The following ANKRD11 variants were observed in gnomAD, a reference collection of about 807,000 sequenced individuals.
ANKRD11 encodes ankyrin repeat domain-containing protein 11.
ANKRD11 carries 17 observed loss-of-function variants against 195.7 expected under a neutral mutation model. That is an observed-to-expected ratio of 0.09 (90% CI 0.06 to 0.13). The LOEUF (loss-of-function observed/expected upper bound fraction) is 0.13, where lower values mean the gene tolerates loss of function less well. ANKRD11 is among the 10% of genes least tolerant of loss of function. The pLI is 1.00. For missense variants in ANKRD11, 3,735 were observed against 3,566.1 expected, an observed-to-expected ratio of 1.05 and a Z score of -1.21; for synonymous variants, 1,953 against 1,528.1, an observed-to-expected ratio of 1.28 and a Z score of -6.49.
intron 2 of ANKRD11, chr16:89,392,547 A>G (rs2041244149): frequency 6.6e-6 from 1 of 151,996 alleles, no homozygotes; most frequent in Non-Finnish European, 1.5e-5. Flanking sequence ...CCACGCTGAG[A>G]TGCTCCAGGG....
At chr16:89,278,555 G>A (rs2033860031) in intron 9 of ANKRD11, 2 of 457,042 alleles carry the variant, frequency 4.4e-6, no homozygotes, top group Non-Finnish European at 8.8e-6. Flanking sequence ...GGTGAGGCTG[G>A]GGGCCGAGGA....
chr16:89,418,449 T>C, intron 1 of ANKRD11, 81 bp from the exon 2 acceptor site: 1 of 393,244 alleles, frequency 2.5e-6, no homozygotes, highest in Non-Finnish European at 5.3e-6. Flanking sequence ...TCCCTCCATT[T>C]GGTCCACACG....
In ANKRD11 at chr16:89,452,547, C is replaced by T. The variant is rs1223630376; in HGVS notation, c.-144-34179G>A. On this transcript the variant is annotated intron_variant, in intron 1 of 12. Coordinates refer to ENST00000301030, the MANE Select transcript of ANKRD11 (RefSeq NM_013275.6). ...CTCTCAGCACTCTGGGAGGCTGAGG[C>T]GGGTGGATCACCTGAGGTCAAGAGA... 2.0e-5 allele frequency among the ~76,000 whole-genome samples: 3 copies of T among 152,018 alleles called. No individual in the cohort carries two copies. In the South Asian group the frequency reaches 6.2e-4, roughly 32 times the overall value.
chr16:89,443,492 A>G (rs1169282885), intron 1 of ANKRD11: 1 of 152,146 alleles, frequency 6.6e-6, no homozygotes, highest in African/African-American at 2.4e-5. Context: ...GTAAGAGACA[A>G]GAGATACACA....
chr16:89,331,107 C>T (rs2038042814), intron 2 of ANKRD11, among the ~76,000 whole-genome samples: 1 of 152,122 alleles, frequency 6.6e-6, no homozygotes, highest in Admixed American at 6.5e-5. Flanking sequence ...GTGCCTGCCA[C>T]CATGCCCGGC....
chr16:89,474,871 AT>A (rs1478459553), intron 1 of ANKRD11, among the ~76,000 whole-genome samples: 2 of 152,286 alleles, frequency 1.3e-5, no homozygotes, highest in Non-Finnish European at 2.9e-5. Context: ...AAATAAAAAA[AT>A]AAAATGTAAG....
chr16:89,462,040 C>T (rs2056689713), intron 1 of ANKRD11, among the ~76,000 whole-genome samples: 1 of 127,600 alleles, frequency 7.8e-6, no homozygotes, highest in Non-Finnish European at 1.7e-5. Flanking sequence ...CTCCCCCTCT[C>T]CCTCTCCCCC....
chr16:89,286,107 T>G lies in ANKRD11; in HGVS notation c.824A>C (p.Asn275Thr). Reference protein sequence around the residue: ...RKGETPLKVANSPTMVNLLLG... With the variant: ...RKGETPLKVATSPTMVNLLLG... ...CAGGAGGTTCACCATCGTGGGGGAG[T>G]TGGCCACTTTCAGCGGCGTCTCGCC... The change falls in exon 8 of 13, where the codon AAC (asparagine) becomes ACC (threonine). Residue 275 changes from asparagine (N) to threonine (T), a missense_variant. Coordinates refer to ENST00000301030, the MANE Select transcript of ANKRD11 (RefSeq NM_013275.6). 1 of 1,614,130 alleles carries G rather than the reference T, an allele frequency of 6.2e-7. No individual in the cohort carries two copies. Among genetic ancestry groups the G allele is most frequent in the Non-Finnish European group, 8.5e-7 (1 of 1,180,028 alleles).
At position 89,290,797 on chromosome 16, in the gene ANKRD11, A is replaced by T; in HGVS notation, c.429T>A (p.Ser143=). Residue 143 remains serine, a synonymous_variant, in exon 6 of 13, where the codon TCT becomes TCA. Coordinates refer to ENST00000301030, the MANE Select transcript of ANKRD11 (RefSeq NM_013275.6). ...VDTTPKHPSQ[S]TVCQKGTPNS... is the part of the protein sequence containing the mutation. The stretch of plus-strand genomic sequence containing the variant: ...TGGGCGTTCCCTTCTGACACACTGT[A>T]GACTGGGAGGGGTGCTTTGGTGTTG... 13 of 1,613,922 alleles carry T rather than the reference A, an allele frequency of 8.1e-6. No individual in the cohort carries two copies. The highest frequency in any genetic ancestry group is 1.1e-5 in the Non-Finnish European group (13 of 1,179,976).
At position 89,282,683 on chromosome 16, in the gene ANKRD11, C is replaced by T. The variant is rs773010718; in HGVS notation, c.3859G>A (p.Glu1287Lys). ...TCTTCTCTGTACTCATGGAGAGCCT[C>T]TTCTTCCAACTTTTCAAGCAGGCTT... ...EKSLLEKLEE[E>K]ALHEYREDSN... Residue 1287 changes from glutamate to lysine, a missense_variant, in exon 9 of 13, where the codon GAG (glutamate) becomes AAG (lysine). Transcript: ENST00000301030. 20 of 1,614,148 alleles carry T rather than the reference C, an allele frequency of 1.2e-5. No individual in the cohort carries two copies. In the East Asian group the frequency reaches 3.6e-4, roughly 29 times the overall value.
intron 2 of ANKRD11, among the ~76,000 whole-genome samples, chr16:89,337,570 G>A (rs1398151295): frequency 6.7e-6 from 1 of 150,172 alleles, no homozygotes; most frequent in African/African-American, 2.4e-5. Context: ...CCGAGTAGCT[G>A]GGACTACAGG....
intron 1 of ANKRD11, among the ~76,000 whole-genome samples, chr16:89,445,201 G>A (rs915655641): frequency 6.6e-6 from 1 of 152,224 alleles, no homozygotes; most frequent in Non-Finnish European, 1.5e-5. Context: ...CATGTGGCTT[G>A]TTTACAAAAG....
intron 1 of ANKRD11, among the ~76,000 whole-genome samples, chr16:89,421,173 C>T (rs1009364352): frequency 7.3e-6 from 1 of 137,152 alleles, no homozygotes; most frequent in Non-Finnish European, 1.6e-5. Context: ...GGACCATCAC[C>T]CGTCCATGTC....
Position 89,267,644 on chromosome 16 carries a change from T to C in ANKRD11, c.*834A>G, listed in dbSNP as rs1392545107. The stretch of plus-strand genomic sequence containing the variant: ...TACAAAGAGCATTTTAATTAATTTA[T>C]TTATTTCTTTACACATAACTGAAAG... On this transcript the variant is annotated 3_prime_UTR_variant, in exon 13 of 13. Coordinates refer to ENST00000301030, the MANE Select transcript of ANKRD11 (RefSeq NM_013275.6). The C allele has an allele frequency of 6.6e-6, 1 of 152,328 alleles. No individual in the cohort carries two copies. 9.4% of individuals were successfully genotyped at this position (152,328 alleles called of 1,614,324 possible).
rs56391654 is a variant in ANKRD11, at chr16:89,471,782, C to CAAAA, written c.-145+18459_-145+18462dup. Reference sequence around the variant, plus strand: ...CCTGGGCGACAGTGAGACTCTGTCTCAAAAAAAAAAAAAAAAAAAAAAAAA... The same window carrying CAAAA: ...CCTGGGCGACAGTGAGACTCTGTCTCAAAAAAAAAAAAAAAAAAAAAAAAAAAAA... On this transcript the variant is annotated intron_variant, in intron 1 of 12. Transcript: ENST00000301030. 9.5e-4 allele frequency among the ~76,000 whole-genome samples: 51 copies of CAAAA among 53,502 alleles called. 1 individual carries two copies. Among genetic ancestry groups the CAAAA allele is most frequent in the African/African-American group, 3.6e-3 (45 of 12,508 alleles). The allele number at this position is 53,502 out of a possible 152,430, so 35.1% of individuals were successfully genotyped here. A position where few individuals can be genotyped will look rare whatever the true frequency, so the allele number is the denominator to read the frequency against.
intron 3 of ANKRD11, among the ~76,000 whole-genome samples, chr16:89,307,201 T>C (rs1254757050): frequency 6.6e-6 from 1 of 152,164 alleles, no homozygotes; most frequent in Non-Finnish European, 1.5e-5. Flanking sequence ...CAGCGAAGCC[T>C]TCAGAGCACC....
chr16:89,456,577 G>A lies in ANKRD11; in HGVS notation c.-145+33668C>T, dbSNP rs149417480. Among the ~76,000 whole-genome samples the A allele has an allele frequency of 1.1e-3, 167 of 151,646 alleles. 3 individuals carry two copies. In the East Asian group the frequency reaches 0.027, roughly 25 times the overall value. On this transcript the variant is annotated intron_variant, in intron 1 of 12. Transcript: ENST00000301030. ...AAAAAAAGATGGAAACAAGCCAAGT[G>A]TCAATCAAGACAGGATGGGTAAACA... is the stretch of plus-strand genomic sequence containing the variant.
chr16:89,300,298 C>T (rs1228140728), intron 4 of ANKRD11: 1 of 217,484 alleles, frequency 4.6e-6, no homozygotes, highest in Non-Finnish European at 9.4e-6. Context: ...ATCAGGGCTT[C>T]CCGCCGTGTG....
In ANKRD11 at chr16:89,267,789, C is replaced by A. The variant is rs1339605052; in HGVS notation, c.*689G>T. On this transcript the variant is annotated 3_prime_UTR_variant, in exon 13 of 13. Coordinates refer to ENST00000301030, the MANE Select transcript of ANKRD11 (RefSeq NM_013275.6). ...TAAAACTGTACAGCGTTTACGGATA[C>A]ACTTTTTATATGATTATTGGCTCTG... 2 of 151,812 alleles carry A rather than the reference C, an allele frequency of 1.3e-5. No individual in the cohort carries two copies. The highest frequency in any genetic ancestry group is 1.3e-4 in the Admixed American group (2 of 15,198). The allele number at this position is 151,812 out of a possible 1,614,324, so 9.4% of individuals were successfully genotyped here. A position where few individuals can be genotyped will look rare whatever the true frequency, so the allele number is the denominator to read the frequency against.
Sources: gnomAD v4.1 joint callset for allele counts (sites outside exome capture counted in the v4.1 genomes callset) on GRCh38, gnomAD v4.1.1 for gene constraint, MANE v1.5 for transcripts, NCBI Gene and HGNC (gene_info 2026-07-23, HGNC 2026-07-21) for gene names.